The following TRPS1 variants were observed in gnomAD, a reference collection of about 807,000 sequenced individuals.
TRPS1 encodes the protein transcriptional repressor GATA binding 1, also known as zinc finger transcription factor Trps1.
TRPS1 carries 6 observed loss-of-function variants against 101.2 expected under a neutral mutation model. The ratio of observed to expected loss-of-function variants is 0.06; its 90% confidence interval spans 0.03 to 0.12. TRPS1 has a LOEUF of 0.12. TRPS1 is among the 10% of genes least tolerant of loss of function. The pLI is 1.00. For missense variants in TRPS1, 1,363 were observed against 1,567.0 expected, an observed-to-expected ratio of 0.87 and a Z score of 2.20; for synonymous variants, 578 against 589.8, an observed-to-expected ratio of 0.98 and a Z score of 0.29.
In TRPS1 at chr8:115,532,146, C is replaced by CA. The variant is rs558386665; in HGVS notation, c.2700+54854dup. On this transcript the variant is annotated intron_variant, in intron 5 of 6. Transcript: ENST00000395715. ...TTAGATAATCAGACCTTGGAAAATA[C>CA]ATATTTGCACCAGGATTTCAAAATA... Among the ~76,000 whole-genome samples, 711 of 152,148 alleles carry CA rather than the reference C, an allele frequency of 4.7e-3. 1 individual carries two copies. Among genetic ancestry groups the CA allele is most frequent in the Non-Finnish European group, 7.5e-3 (511 of 67,982 alleles).
intron 5 of TRPS1, among the ~76,000 whole-genome samples, chr8:115,486,987 G>T (rs550611202): frequency 6.6e-6 from 1 of 152,254 alleles, no homozygotes; most frequent in South Asian, 2.1e-4. Flanking sequence ...TGCCATCTAG[G>T]GCTATCATAG....
At chr8:115,417,638 A>G (rs1005825181) in intron 6 of TRPS1, among the ~76,000 whole-genome samples, 1 of 152,188 alleles carries the variant, frequency 6.6e-6, no homozygotes, top group African/African-American at 2.4e-5. Context: ...CAGAATTCTA[A>G]CTAAAATTTG....
At chr8:115,551,361 A>T (rs998486375) in intron 5 of TRPS1, among the ~76,000 whole-genome samples, 4 of 152,268 alleles carry the variant, frequency 2.6e-5, no homozygotes, top group African/African-American at 9.6e-5. Flanking sequence ...TCCAAAAGTC[A>T]ACAGCTTTGC....
intron 5 of TRPS1, among the ~76,000 whole-genome samples, chr8:115,535,548 C>CATATAT (rs140856876): frequency 1.6e-4 from 23 of 145,212 alleles, no homozygotes; most frequent in African/African-American, 5.5e-4. Context: ...ATATATAGCG[C>CATATAT]ATATATATAT....
At position 115,604,448 on chromosome 8, in the gene TRPS1, T is replaced by C. The variant is rs1270913645; in HGVS notation, c.1521A>G (p.Thr507=). Residue 507 remains threonine, a synonymous_variant, in exon 4 of 7, where the codon ACA becomes ACG. Coordinates refer to ENST00000395715, the MANE Select transcript of TRPS1 (RefSeq NM_014112.5). The surrounding 1 kb of genome is among the most constrained non-coding windows in gnomAD (Gnocchi z 4.1). ...TCGAGCTCTTGTCTGTCTTGGTCAT[T>C]GTCTCTCCTTCTGAACTTTTGGCTA... ...NDLAKSSEGE[T]MTKTDKSSSG... The C allele has an allele frequency of 1.9e-6, 3 of 1,613,976 alleles. No individual in the cohort carries two copies. The highest frequency in any genetic ancestry group is 1.1e-5 in the South Asian group (1 of 91,090).
intron 1 of TRPS1, among the ~76,000 whole-genome samples, chr8:115,644,239 T>C (rs1052706344): frequency 2.0e-5 from 3 of 152,208 alleles, no homozygotes; most frequent in African/African-American, 7.2e-5. Context: ...AATGTGCTCC[T>C]TTGTCTCCAC....
intron 4 of TRPS1, among the ~76,000 whole-genome samples, chr8:115,598,129 T>C (rs1415780307): frequency 1.3e-5 from 2 of 152,210 alleles, no homozygotes; most frequent in African/African-American, 4.8e-5. Flanking sequence ...TTGAATTTTA[T>C]GGGTGTTCTT....
At chr8:115,647,704 G>A (rs1235468602) in intron 1 of TRPS1, among the ~76,000 whole-genome samples, 1 of 152,034 alleles carries the variant, frequency 6.6e-6, no homozygotes, top group African/African-American at 2.4e-5. Flanking sequence ...CTAACTTAAA[G>A]ACTAATAATA....
chr8:115,435,886 T>A (rs1171802159), intron 5 of TRPS1, among the ~76,000 whole-genome samples: 1 of 151,924 alleles, frequency 6.6e-6, no homozygotes, highest in African/African-American at 2.4e-5. Flanking sequence ...TGAGGGGAAG[T>A]AAGGTAAATA....
chr8:115,545,223 T>C (rs969380957), intron 5 of TRPS1, among the ~76,000 whole-genome samples: 2 of 152,186 alleles, frequency 1.3e-5, no homozygotes, highest in Non-Finnish European at 2.9e-5. Flanking sequence ...AATACACTGA[T>C]GACCGAGTAT....
intron 5 of TRPS1, among the ~76,000 whole-genome samples, chr8:115,552,403 A>G (rs1031527473): frequency 2.0e-5 from 3 of 152,162 alleles, no homozygotes; most frequent in African/African-American, 7.2e-5. Flanking sequence ...AGATATTCTG[A>G]TCTGTTGTTT....
At chr8:115,567,091 T>C (rs1817086030) in intron 5 of TRPS1, among the ~76,000 whole-genome samples, 1 of 152,092 alleles carries the variant, frequency 6.6e-6, no homozygotes, top group African/African-American at 2.4e-5. Flanking sequence ...GTTTACACCA[T>C]AGAGAGGAAA....
At chr8:115,431,632 T>C (rs1208719128) in intron 5 of TRPS1, among the ~76,000 whole-genome samples, 3 of 151,998 alleles carry the variant, frequency 2.0e-5, no homozygotes, top group African/African-American at 4.8e-5. Flanking sequence ...GGGTCCTTTC[T>C]AGAACATAAA....
At chr8:115,471,554 A>T (rs1814470102) in intron 5 of TRPS1, among the ~76,000 whole-genome samples, 3 of 152,192 alleles carry the variant, frequency 2.0e-5, no homozygotes, top group South Asian at 4.2e-4. Context: ...ACCCCTCCCA[A>T]ATCTCATGCC....
chr8:115,552,154 T>C (rs1299253186), intron 5 of TRPS1, among the ~76,000 whole-genome samples: 1 of 152,154 alleles, frequency 6.6e-6, no homozygotes, highest in Non-Finnish European at 1.5e-5. Flanking sequence ...AAAATAAACA[T>C]AGGTATCACT....
At chr8:115,478,045 A>G (rs1036765272) in intron 5 of TRPS1, among the ~76,000 whole-genome samples, 2 of 151,964 alleles carry the variant, frequency 1.3e-5, no homozygotes, top group Non-Finnish European at 2.9e-5. Flanking sequence ...CAAGTGTTTG[A>G]TATTCCTTTT....
intron 5 of TRPS1, among the ~76,000 whole-genome samples, chr8:115,515,675 T>C (rs1815693067): frequency 6.6e-6 from 1 of 151,532 alleles, no homozygotes; most frequent in South Asian, 2.1e-4. Context: ...TGTGGTTTAA[T>C]ATTTATTAAA....
chr8:115,440,168 T>C (rs1813555445), intron 5 of TRPS1, among the ~76,000 whole-genome samples: 1 of 152,340 alleles, frequency 6.6e-6, no homozygotes, highest in African/African-American at 2.4e-5. Context: ...TAGTCATCTA[T>C]GTGGGCGATT....
At chr8:115,575,684 T>C (rs1217710669) in intron 5 of TRPS1, among the ~76,000 whole-genome samples, 1 of 152,036 alleles carries the variant, frequency 6.6e-6, no homozygotes, top group East Asian at 1.9e-4. Context: ...AAGTAGAAAT[T>C]TGGTCACTTT....
Sources: gnomAD v4.1 joint callset for allele counts (sites outside exome capture counted in the v4.1 genomes callset) on GRCh38, gnomAD v4.1.1 for gene constraint, Gnocchi (gnomAD v3.1) non-coding constraint, MANE v1.5 for transcripts, NCBI Gene and HGNC (gene_info 2026-07-23, HGNC 2026-07-21) for gene names.